Variants in KANSL3 observed in about 807,000 individuals in gnomAD.
KANSL3 encodes the protein KAT8 regulatory NSL complex subunit 3, also known as NSL complex protein NSL3.
In KANSL3, 16 loss-of-function variants were observed where a neutral mutation model predicts 89.2. The observed-to-expected ratio is 0.18, with a 90% CI of 0.12 to 0.27. The LOEUF (loss-of-function observed/expected upper bound fraction) is 0.27. Among genes scored for constraint, KANSL3 ranks in the 10% least tolerant of loss-of-function variants. KANSL3 has a pLI of 1.00. For synonymous variants in KANSL3, 385 were observed against 419.7 expected, an observed-to-expected ratio of 0.92 and a Z score of 1.01; for missense variants, 879 against 1,110.6, an observed-to-expected ratio of 0.79 and a Z score of 2.96.
chr2:96,604,295 G>A lies in KANSL3; in HGVS notation c.2104C>T (p.Leu702=). 1 of 1,613,016 alleles carries A rather than the reference G, an allele frequency of 6.2e-7. No homozygotes were observed. Among genetic ancestry groups the A allele is most frequent in the South Asian group, 1.1e-5 (1 of 91,042 alleles). ...SSTAPSALHT[L]QSRLVATSPG... is the part of the protein sequence containing the mutation. ...GATGTGGCCACCAGGCGGCTCTGCAGTGTGTGCAAGGCACTGGGTGCAGTG... is the reference window on the plus strand; with the variant it reads ...GATGTGGCCACCAGGCGGCTCTGCAATGTGTGCAAGGCACTGGGTGCAGTG... The change falls in exon 17 of 21, where the codon CTG becomes TTG. Residue 702 remains leucine, a synonymous_variant. Coordinates refer to ENST00000431828, the MANE Select transcript of KANSL3 (RefSeq NM_001115016.3).
intron 5 of KANSL3, among the ~76,000 whole-genome samples, chr2:96,614,431 A>G (rs745442754): frequency 3.9e-5 from 6 of 152,218 alleles, no homozygotes; most frequent in Non-Finnish European, 7.3e-5. Flanking sequence ...ACACACAGAA[A>G]TAATTTTGCT....
rs911468098 is a variant in KANSL3 at position 96,615,458 on chromosome 2, T to G, written c.664-1839A>C. ...TACCAGAAATGTGACATTACAGATG[T>G]GCAAATATAGGTTTCAGACATGTTG... On this transcript the variant is annotated intron_variant, in intron 5 of 20. Transcript: ENST00000431828. 9.3e-6 allele frequency: 11 copies of G among 1,186,500 alleles called. No homozygotes were observed. In the Admixed American group the frequency reaches 2.7e-4, roughly 29 times the overall value. 73.5% of individuals were successfully genotyped at this position (1,186,500 alleles called of 1,614,324 possible).
At chr2:96,633,925 C>T (rs1417484444) in intron 2 of KANSL3, among the ~76,000 whole-genome samples, 1 of 152,174 alleles carries the variant, frequency 6.6e-6, no homozygotes, top group Non-Finnish European at 1.5e-5. Flanking sequence ...TTCAAGCATT[C>T]AACAGATACA....
chr2:96,633,420 A>C lies in KANSL3; in HGVS notation c.216-1938T>G, dbSNP rs1310719910. 4.0e-5 allele frequency among the ~76,000 whole-genome samples: 6 copies of C among 151,778 alleles called. No individual in the cohort carries two copies. In the East Asian group the frequency reaches 7.8e-4, roughly 20 times the overall value. ...CCCCATCTCTACTTAAAAAAAACAA[A>C]AATTAGGGTGTGGTGGCACGTGCCT... On this transcript the variant is annotated intron_variant, in intron 2 of 20. Transcript: ENST00000431828.
Position 96,612,894 on chromosome 2 carries a change from G to C in KANSL3, c.836C>G (p.Ser279Cys). ...GGGAAACACAGAGCTGGAGGGACCA[G>C]AGGAGGCGATGAGAATCAGCGGAGA... Reference protein sequence around the residue: ...PGSPLILIASSGPSSSVFPTS... With the variant: ...PGSPLILIASCGPSSSVFPTS... Residue 279 changes from serine to cysteine, a missense_variant, in exon 7 of 21, where the codon TCT (serine) becomes TGT (cysteine). Physicochemically the swap from Ser to Cys is moderately radical, Grantham distance 112 (BLOSUM62 -1). Around this residue, in one of 6 missense-constraint regions of KANSL3, gnomAD observed 198 missense variants for 260.3 expected, o/e 0.76. Coordinates refer to ENST00000431828, the MANE Select transcript of KANSL3 (RefSeq NM_001115016.3). 4 of 1,570,086 alleles carry C rather than the reference G, an allele frequency of 2.5e-6. No homozygotes were observed. The African/African-American group carries it at 4.0e-5, about 16-fold the overall frequency.
chr2:96,605,294 CA>C, intron 15 of KANSL3, 25 bp downstream of exon 15: 1 of 1,589,664 alleles, frequency 6.3e-7, no homozygotes, highest in Non-Finnish European at 8.6e-7. Flanking sequence ...GCTCAGTTCT[CA>C]TTTAACGTAC....
At chr2:96,601,310 G>C in intron 20 of KANSL3, 2 of 984,730 alleles carry the variant, frequency 2.0e-6, no homozygotes, top group Non-Finnish European at 2.4e-6. Context: ...TAGCCAAGTA[G>C]CCTCTACTCA....
intron 20 of KANSL3, among the ~76,000 whole-genome samples, chr2:96,598,407 A>G (rs2066754768): frequency 6.6e-6 from 1 of 152,202 alleles, no homozygotes; most frequent in Non-Finnish European, 1.5e-5. Context: ...CCAAAATCCT[A>G]AGTAAAATAA....
chr2:96,624,920 A>G (rs767726462), intron 3 of KANSL3, among the ~76,000 whole-genome samples: 5 of 152,028 alleles, frequency 3.3e-5, no homozygotes, highest in Admixed American at 6.6e-5. Flanking sequence ...TAATCTCTGG[A>G]TAAGGCCAGG....
At chr2:96,600,361 G>A in intron 20 of KANSL3, 1 of 777,058 alleles carries the variant, frequency 1.3e-6, no homozygotes, top group Non-Finnish European at 1.6e-6. Flanking sequence ...TATAATGTTT[G>A]AATTATTTAA....
chr2:96,623,819 G>A (rs1207881739), intron 3 of KANSL3, among the ~76,000 whole-genome samples: 1 of 152,214 alleles, frequency 6.6e-6, no homozygotes, highest in Non-Finnish European at 1.5e-5. Context: ...AGCAAAAGTT[G>A]AGAGCAGTCG....
At chr2:96,588,279 G>A (rs891325526), downstream of KANSL3, among the ~76,000 whole-genome samples, 2 of 152,054 alleles carry the variant, frequency 1.3e-5, no homozygotes, top group Admixed American at 6.5e-5. Flanking sequence ...CTACAAACGG[G>A]AAACAATTTG....
intron 3 of KANSL3, among the ~76,000 whole-genome samples, chr2:96,623,184 T>C (rs2071623776): frequency 6.6e-6 from 1 of 152,244 alleles, no homozygotes; most frequent in African/African-American, 2.4e-5. Context: ...ATGAATTGTG[T>C]GCACACTGCA....
intron 1 of KANSL3, among the ~76,000 whole-genome samples, chr2:96,637,464 C>T (rs1397451713): frequency 6.6e-6 from 1 of 152,202 alleles, no homozygotes; most frequent in Non-Finnish European, 1.5e-5. Context: ...AAAGACCTCG[C>T]GTGGACAGAC....
chr2:96,635,993 CAA>C (rs112029647), intron 2 of KANSL3, among the ~76,000 whole-genome samples: 13 of 131,544 alleles, frequency 9.9e-5, no homozygotes, highest in South Asian at 4.5e-4. Flanking sequence ...GACTCCATCT[CAA>C]AAAAAAAAAA....
chr2:96,618,519 C>G (rs914999672), intron 5 of KANSL3, among the ~76,000 whole-genome samples: 3 of 152,176 alleles, frequency 2.0e-5, no homozygotes, highest in African/African-American at 7.2e-5. Flanking sequence ...GAGCAAAACA[C>G]CCCAAATATT....
At chr2:96,609,773 T>G (rs1342335154) in intron 11 of KANSL3, among the ~76,000 whole-genome samples, 3 of 151,640 alleles carry the variant, frequency 2.0e-5, no homozygotes, top group African/African-American at 4.9e-5. Flanking sequence ...TTGTGGGGAT[T>G]AAACAAAATA....
chr2:96,623,202 T>C (rs575913555), intron 3 of KANSL3, among the ~76,000 whole-genome samples: 1 of 152,330 alleles, frequency 6.6e-6, no homozygotes, highest in South Asian at 2.1e-4. Context: ...GCATTCTAAG[T>C]TCTGTAAACA....
rs35809433 is a variant in KANSL3 at position 96,631,377 on chromosome 2, G to A, written c.321C>T (p.Val107=). 7.0e-3 allele frequency: 11,216 copies of A among 1,612,002 alleles called. 56 individuals are homozygous for A. The highest frequency in any genetic ancestry group is 0.023 in the Middle Eastern group (137 of 6,050). Residue 107 remains valine, a synonymous_variant, in exon 3 of 21, where the codon GTC becomes GTT. Coordinates refer to ENST00000431828, the MANE Select transcript of KANSL3 (RefSeq NM_001115016.3). ...RSVMNECERH[V]IFARTDADAP... Reference sequence around the variant, plus strand: ...CATCTGCATCAGTCCTGGCAAAGATGACATGCCGTTCACACTCATTCATCA... The same window carrying A: ...CATCTGCATCAGTCCTGGCAAAGATAACATGCCGTTCACACTCATTCATCA...
Sources: allele counts gnomAD v4.1 joint callset (sites outside exome capture counted in the v4.1 genomes callset), GRCh38; gene constraint gnomAD v4.1.1; regional missense constraint gnomAD v4.1.1; transcripts MANE v1.5; gene names NCBI Gene and HGNC (gene_info 2026-07-23, HGNC 2026-07-21).